RRBP1: variants seen among roughly 807,000 people sequenced by gnomAD.
The protein encoded by RRBP1 is ribosome binding protein 1.
Under a neutral mutation model 165.2 loss-of-function variants are expected in RRBP1, and 94 were observed. The ratio of observed to expected loss-of-function variants is 0.57; its 90% CI spans 0.48 to 0.68. RRBP1 has a LOEUF of 0.68. Ranked by LOEUF, RRBP1 falls within the 30% of genes least tolerant of loss-of-function variation. The pLI, the probability that RRBP1 is intolerant of heterozygous loss-of-function variation, is 0.00. For synonymous variants in RRBP1, 680 were observed against 714.5 expected, an observed-to-expected ratio of 0.95 and a Z score of 0.77; for missense variants, 1,676 against 1,763.0, an observed-to-expected ratio of 0.95 and a Z score of 0.88.
At chr20:17,678,304 A>G (rs2037119301) in intron 2 of RRBP1, among the ~76,000 whole-genome samples, 1 of 152,194 alleles carries the variant, frequency 6.6e-6, no homozygotes, top group Non-Finnish European at 1.5e-5. Flanking sequence ...TTTCTACCTA[A>G]TATCAATTTA....
intron 9 of RRBP1, among the ~76,000 whole-genome samples, chr20:17,629,622 T>C (rs546439025): frequency 6.7e-6 from 1 of 149,876 alleles, no homozygotes; most frequent in South Asian, 2.1e-4. Context: ...ACTGCGCCTA[T>C]AGGCTGACTG....
intron 3 of RRBP1, among the ~76,000 whole-genome samples, chr20:17,656,107 C>G (rs1448037658): frequency 6.6e-6 from 1 of 152,210 alleles, no homozygotes; most frequent in Non-Finnish European, 1.5e-5. Context: ...CCTGAAGATG[C>G]CTTTGTACAT....
In RRBP1 at chr20:17,643,943, T is replaced by C. The variant is rs903485450; in HGVS notation, c.1913-816A>G. Among the ~76,000 whole-genome samples, 3 of 152,136 alleles carry C rather than the reference T, an allele frequency of 2.0e-5. No individual in the cohort carries two copies. The highest frequency in any genetic ancestry group is 4.4e-5 in the Non-Finnish European group (3 of 68,030). On this transcript the variant is annotated intron_variant, in intron 3 of 24. Transcript: ENST00000377813. The surrounding 1 kb of genome is among the most constrained non-coding windows in gnomAD (Gnocchi z 4.3). ...GGAAGCAAGAAAGGGTGAACCAAGA[T>C]GCCACGCCTGAGTGCCTGGACTCTT...
chr20:17,651,295 G>A (rs1243048794), intron 3 of RRBP1, among the ~76,000 whole-genome samples: 1 of 152,164 alleles, frequency 6.6e-6, no homozygotes, highest in African/African-American at 2.4e-5. Flanking sequence ...GCCTCTCATC[G>A]TAAATTGTGA....
intron 2 of RRBP1, among the ~76,000 whole-genome samples, chr20:17,661,798 G>A (rs2036771228): frequency 6.6e-6 from 1 of 152,122 alleles, no homozygotes; most frequent in African/African-American, 2.4e-5. Context: ...CTGCTTAGTG[G>A]CTCAGATACT....
rs1269329565 is a variant in RRBP1 at position 17,641,861 on chromosome 20, T to C, written c.2120A>G (p.Lys707Arg). 3 of 1,613,952 alleles carry C rather than the reference T, an allele frequency of 1.9e-6. No homozygotes were observed. Among genetic ancestry groups the C allele is most frequent in the Non-Finnish European group, 2.5e-6 (3 of 1,179,994 alleles). Reference protein sequence around the residue: ...ILKRQLEEKEKLLATEQEDAA... With the variant: ...ILKRQLEEKERLLATEQEDAA... ...ATCTTCCTGTTCTGTGGCCAGCAGTTTTTCCTTCTCTTCCAGCTGGCGTTT... is the reference window on the plus strand; with the variant it reads ...ATCTTCCTGTTCTGTGGCCAGCAGTCTTTCCTTCTCTTCCAGCTGGCGTTT... Residue 707 changes from lysine (K) to arginine (R), a missense_variant, in exon 5 of 25, where the codon AAA (lysine) becomes AGA (arginine). Physicochemically the swap from Lys to Arg is conservative, Grantham distance 26. Transcript: ENST00000377813.
intron 3 of RRBP1, among the ~76,000 whole-genome samples, chr20:17,656,166 C>T (rs906921238): frequency 3.3e-5 from 5 of 152,186 alleles, no homozygotes; most frequent in Admixed American, 2.0e-4. Context: ...ATTCAAGAAA[C>T]GAAAATAGAA....
chr20:17,627,964 A>C (rs1374550149), intron 9 of RRBP1, among the ~76,000 whole-genome samples: 1 of 152,208 alleles, frequency 6.6e-6, no homozygotes, highest in South Asian at 2.1e-4. Flanking sequence ...AACGGACTCC[A>C]GCTGAGGCTT....
chr20:17,653,550 C>T (rs2036595628), intron 3 of RRBP1, among the ~76,000 whole-genome samples: 2 of 152,128 alleles, frequency 1.3e-5, no homozygotes, highest in South Asian at 4.1e-4. Flanking sequence ...AACAGCCTGG[C>T]CCTGGCCAGG....
Position 17,643,903 on chromosome 20 carries a change from C to T in RRBP1, c.1913-776G>A, listed in dbSNP as rs1041491617. Among the ~76,000 whole-genome samples the T allele has an allele frequency of 1.2e-4, 19 of 152,146 alleles. No homozygotes were observed. Among genetic ancestry groups the T allele is most frequent in the African/African-American group, 4.6e-4 (19 of 41,432 alleles). On this transcript the variant is annotated intron_variant, in intron 3 of 24. Coordinates refer to ENST00000377813, the MANE Select transcript of RRBP1 (RefSeq NM_001365613.2). This position sits in a 1 kb window ranked among gnomAD's most constrained non-coding sequence, Gnocchi z 4.3. ...ACACATGGTTTTGTTCTCATTGGGG[C>T]TTGAATGCAGCCTCGGAAGCAAGAA...
At chr20:17,615,575 G>A (rs367630384) in intron 22 of RRBP1, 46 bp from the exon 23 acceptor site, 99 of 1,499,470 alleles carry the variant, frequency 6.6e-5, no homozygotes, top group Non-Finnish European at 7.9e-5. Context: ...TCTTATAAAC[G>A]GCTGTGCTGT....
At chr20:17,624,522 G>A in intron 13 of RRBP1, 54 bp downstream of exon 13, 1 of 1,202,056 alleles carries the variant, frequency 8.3e-7, no homozygotes, top group Admixed American at 2.0e-5. Context: ...TAGTGCATTT[G>A]TGCATCCTAG....
At chr20:17,678,958 A>G (rs1406430553) in intron 2 of RRBP1, among the ~76,000 whole-genome samples, 1 of 152,164 alleles carries the variant, frequency 6.6e-6, no homozygotes, top group East Asian at 1.9e-4. Context: ...CCTGCCACTG[A>G]AGCTCTTAAT....
chr20:17,618,273 T>G (rs1176100979), intron 20 of RRBP1, among the ~76,000 whole-genome samples: 1 of 152,178 alleles, frequency 6.6e-6, no homozygotes, highest in Non-Finnish European at 1.5e-5. Context: ...GCAATATCCC[T>G]GACGCCCCCA....
At chr20:17,678,138 T>C (rs749971801) in intron 2 of RRBP1, among the ~76,000 whole-genome samples, 22 of 152,228 alleles carry the variant, frequency 1.4e-4, no homozygotes, top group Non-Finnish European at 2.2e-4. Context: ...GGGTGTCTGG[T>C]TGTCTGCTTC....
rs768566382 is a variant in RRBP1, at chr20:17,643,108, G to A, written c.1932C>T (p.Gly644=). 1 of 1,613,974 alleles carries A rather than the reference G, an allele frequency of 6.2e-7. No individual in the cohort carries two copies. Among genetic ancestry groups the A allele is most frequent in the Non-Finnish European group, 8.5e-7 (1 of 1,180,004 alleles). Residue 644 remains glycine, a synonymous_variant, in exon 4 of 25, where the codon GGC becomes GGT. Transcript: ENST00000377813. This position sits in a 1 kb window ranked among gnomAD's most constrained non-coding sequence, Gnocchi z 4.3. Reference sequence around the variant, plus strand: ...GCGTCTTGTAGGGGAGGTAGAGAGGGCCGTCGGCATCTGGGGGCCCTGTGC... The same window carrying A: ...GCGTCTTGTAGGGGAGGTAGAGAGGACCGTCGGCATCTGGGGGCCCTGTGC... ...KGEPGPPDAD[G]PLYLPYKTLV...
At chr20:17,615,830 G>A (rs2035789063) in intron 22 of RRBP1, 96 bp downstream of exon 22, 4 of 1,112,252 alleles carry the variant, frequency 3.6e-6, no homozygotes, top group Non-Finnish European at 5.2e-6. Flanking sequence ...GGTGCTGCTG[G>A]GCACAGCCGA....
rs757571796 is a variant in RRBP1, at chr20:17,620,761, T to C, written c.3461A>G (p.Gln1154Arg). The C allele has an allele frequency of 1.2e-6, 2 of 1,608,858 alleles. No individual in the cohort carries two copies. Among genetic ancestry groups the C allele is most frequent in the Non-Finnish European group, 1.7e-6 (2 of 1,179,886 alleles). ...DLQKSVEEEE[Q>R]VWRAKVGAAE... ...GGCGCCCACCTTGGCCCTCCACACC[T>C]GCTCCTCCTCCTCCACGCTCTTCTG... The change falls in exon 17 of 25, where the codon CAG becomes CGG. Residue 1154 changes from glutamine to arginine, a missense_variant. Physicochemically the swap from Gln to Arg is conservative, Grantham distance 43. Around this residue, in one of 5 missense-constraint regions of RRBP1, gnomAD observed 1,184 missense variants for 1,167.1 expected, o/e 1.01. Coordinates refer to ENST00000377813, the MANE Select transcript of RRBP1 (RefSeq NM_001365613.2).
chr20:17,616,636 G>C, intron 21 of RRBP1, 96 bp downstream of exon 21: 1 of 790,678 alleles, frequency 1.3e-6, no homozygotes, highest in East Asian at 2.6e-5. Context: ...GCGGAGGCTG[G>C]AGCAGCCAGT....
Sources: gnomAD v4.1 joint callset for allele counts (sites outside exome capture counted in the v4.1 genomes callset) on GRCh38, gnomAD v4.1.1 for gene constraint, gnomAD v4.1.1 regional missense constraint, Gnocchi (gnomAD v3.1) non-coding constraint, MANE v1.5 for transcripts, NCBI Gene and HGNC (gene_info 2026-07-23, HGNC 2026-07-21) for gene names.